The following FANCB variants were observed in gnomAD, a reference collection of about 807,000 sequenced individuals.
FANCB encodes the protein FA complementation group B.
FANCB carries 5 observed loss-of-function variants against 38.9 expected under a neutral mutation model. The ratio of observed to expected loss-of-function variants is 0.13; its 90% CI spans 0.07 to 0.27. The LOEUF is 0.27. Ranked by LOEUF, FANCB falls within the 10% of genes least tolerant of loss-of-function variation. The probability of loss-of-function intolerance (pLI) is 1.00; values close to 1 mark genes in which losing one functional copy is unlikely to be tolerated. For synonymous variants in FANCB, 236 were observed against 215.4 expected, an observed-to-expected ratio of 1.10 and a Z score of -0.84; for missense variants, 573 against 602.7, an observed-to-expected ratio of 0.95 and a Z score of 0.52.
chrX:14,813,950 A>C, the FANCB span, among the ~76,000 whole-genome samples: 12 of 111,960 alleles, frequency 1.1e-4, no homozygotes, highest in Non-Finnish European at 1.3e-4. Context: ...AGTAACCAAA[A>C]CAGCATGGTA....
At chrX:14,780,637 G>A in the FANCB span, among the ~76,000 whole-genome samples, 3 of 110,453 alleles carry the variant, frequency 2.7e-5, no homozygotes, top group East Asian at 2.8e-4. Flanking sequence ...ATTATTTTAG[G>A]CTTTGCAAGC....
rs1293901338 is a variant in FANCB at position 14,857,818 on chromosome X, G to A, written c.1197+44C>T. 4.6e-6 allele frequency: 4 copies of A among 864,931 alleles called. No individual in the cohort carries two copies. In the African/African-American group the frequency reaches 7.9e-5, roughly 17 times the overall value. The allele number at this position is 864,931 out of a possible 1,213,427, so 71.3% of individuals were successfully genotyped here. A position where few individuals can be genotyped will look rare whatever the true frequency, so the allele number is the denominator to read the frequency against. On this transcript the variant is annotated intron_variant, in intron 5 of 9. Coordinates refer to ENST00000650831, the MANE Select transcript of FANCB (RefSeq NM_001018113.3). ...CTTTCAATGTTCTTTCCTTCATTTA[G>A]AATAACACTAATCGAAAAGCAAAAG...
chrX:14,815,402 T>G, the FANCB span, among the ~76,000 whole-genome samples: 1 of 110,584 alleles, frequency 9.0e-6, no homozygotes, highest in South Asian at 3.8e-4. Context: ...AAAGAAAAGC[T>G]TCTACACAGC....
chrX:14,690,681 G>A, the FANCB span: 2 of 977,666 alleles, frequency 2.0e-6, no homozygotes, highest in Non-Finnish European at 2.9e-6. Context: ...CTCTCTCTGT[G>A]TGTGTGTGTG....
chrX:14,757,839 G>A, the FANCB span, among the ~76,000 whole-genome samples: 4 of 111,751 alleles, frequency 3.6e-5, no homozygotes, highest in African/African-American at 1.3e-4. Flanking sequence ...AGAACCTGGG[G>A]GAGAGGGCAA....
chrX:14,836,952 C>A (rs970378018), intron 10 of FANCB, among the ~76,000 whole-genome samples: 1 of 111,972 alleles, frequency 8.9e-6, no homozygotes, highest in Non-Finnish European at 1.9e-5. Flanking sequence ...ATTAAGACTG[C>A]AAGCTTTCTG....
the FANCB span, among the ~76,000 whole-genome samples, chrX:14,708,618 T>C: frequency 9.0e-6 from 1 of 111,565 alleles, no homozygotes; most frequent in Non-Finnish European, 1.9e-5. Context: ...ATCTGCCCAA[T>C]TATACAGCAC....
At chrX:14,847,126 A>G (rs1333835076) in intron 7 of FANCB, among the ~76,000 whole-genome samples, 5 of 110,719 alleles carry the variant, frequency 4.5e-5, no homozygotes, top group East Asian at 5.6e-4. Flanking sequence ...GGAGGTATAG[A>G]TGAAACAAGA....
At chrX:14,815,373 T>TA in the FANCB span, among the ~76,000 whole-genome samples, 14,517 of 93,139 alleles carry the variant, frequency 0.16, 1,789 homozygotes, top group African/African-American at 0.4. Flanking sequence ...CCATAAAAGG[T>TA]AAAAAAAAAA....
At chrX:14,793,120 G>A in the FANCB span, among the ~76,000 whole-genome samples, 3 of 111,767 alleles carry the variant, frequency 2.7e-5, no homozygotes, top group Non-Finnish European at 5.7e-5. Flanking sequence ...TTTTTTGAAG[G>A]AAATAAATCA....
At chrX:14,830,018 T>C in the FANCB span, among the ~76,000 whole-genome samples, 1 of 111,950 alleles carries the variant, frequency 8.9e-6, no homozygotes, top group Admixed American at 9.5e-5. Flanking sequence ...ATGCAACTCT[T>C]CCTTTCACCT....
At chrX:14,740,735 C>G in the FANCB span, among the ~76,000 whole-genome samples, 1 of 111,549 alleles carries the variant, frequency 9.0e-6, no homozygotes, top group Non-Finnish European at 1.9e-5. Context: ...CATTGCCAAT[C>G]CCTGCTCTAG....
chrX:14,801,049 C>A, the FANCB span, among the ~76,000 whole-genome samples: 12,890 of 110,321 alleles, frequency 0.12, 706 homozygotes, highest in Non-Finnish European at 0.17. Context: ...GAAGCAGAAG[C>A]AGAAGCAGAA....
the FANCB span, among the ~76,000 whole-genome samples, chrX:14,713,057 A>G: frequency 2.7e-5 from 3 of 112,069 alleles, no homozygotes; most frequent in Non-Finnish European, 3.8e-5. Context: ...ATCCCATACA[A>G]TAACCACTTT....
At chrX:14,760,766 C>T in the FANCB span, among the ~76,000 whole-genome samples, 115 of 111,294 alleles carry the variant, frequency 1.0e-3, 1 homozygote, top group Admixed American at 2.9e-3. Context: ...GTCAGGAGTT[C>T]GAGACCACCC....
At chrX:14,705,211 A>G in the FANCB span, among the ~76,000 whole-genome samples, 1 of 112,288 alleles carries the variant, frequency 8.9e-6, no homozygotes, top group African/African-American at 3.2e-5. Context: ...TTTACATCAG[A>G]TGAACCTGGA....
chrX:14,707,761 T>A, the FANCB span, among the ~76,000 whole-genome samples: 4 of 109,866 alleles, frequency 3.6e-5, no homozygotes, highest in African/African-American at 1.3e-4. Context: ...AAAAAAGGTG[T>A]GTGTGTGTGT....
the FANCB span, among the ~76,000 whole-genome samples, chrX:14,701,373 G>A: frequency 9.0e-6 from 1 of 111,028 alleles, no homozygotes; most frequent in Non-Finnish European, 1.9e-5. Context: ...AAATAAAAAT[G>A]GGCAACCCCT....
At chrX:14,730,889 T>TACACAC in the FANCB span, 3 of 129,232 alleles carry the variant, frequency 2.3e-5, no homozygotes, top group African/African-American at 1.4e-4. Context: ...AAAAGTTAGC[T>TACACAC]ATACACACAC....
Sources: gnomAD v4.1 joint callset for allele counts (sites outside exome capture counted in the v4.1 genomes callset) on GRCh38, gnomAD v4.1.1 for gene constraint, MANE v1.5 for transcripts, NCBI Gene and HGNC (gene_info 2026-07-23, HGNC 2026-07-21) for gene names.